MGAT4C: variants seen among roughly 807,000 people sequenced by gnomAD.
MGAT4C encodes MGAT4 family member C.
Under a neutral mutation model 40.1 loss-of-function variants are expected in MGAT4C, and 19 were observed. The observed-to-expected ratio is 0.47, with a 90% CI of 0.33 to 0.70. The LOEUF (loss-of-function observed/expected upper bound fraction) is 0.70. Ranked by LOEUF, MGAT4C falls within the 30% of genes least tolerant of loss-of-function variation. MGAT4C has a pLI of 0.02. For synonymous variants in MGAT4C, 181 were observed against 187.1 expected, an observed-to-expected ratio of 0.97 and a Z score of 0.27; for missense variants, 491 against 563.2, an observed-to-expected ratio of 0.87 and a Z score of 1.30.
intron 1 of MGAT4C, among the ~76,000 whole-genome samples, chr12:86,733,721 A>G (rs1950945727): frequency 6.6e-6 from 1 of 152,076 alleles, no homozygotes; most frequent in Admixed American, 6.6e-5. Flanking sequence ...AAACCAATCC[A>G]AAAAGCAAGG....
At chr12:86,445,322 C>T (rs1373940789) in intron 2 of MGAT4C, among the ~76,000 whole-genome samples, 1 of 151,930 alleles carries the variant, frequency 6.6e-6, no homozygotes, top group Non-Finnish European at 1.5e-5. Context: ...TCCAAATGAC[C>T]AATACCATGT....
intron 4 of MGAT4C, among the ~76,000 whole-genome samples, chr12:86,313,714 C>T (rs1472397125): frequency 6.6e-6 from 1 of 152,040 alleles, no homozygotes; most frequent in East Asian, 1.9e-4. Flanking sequence ...AGCAAAGGAG[C>T]TAATATGATA....
At chr12:86,812,713 G>A (rs539504895) in intron 1 of MGAT4C, among the ~76,000 whole-genome samples, 1 of 152,094 alleles carries the variant, frequency 6.6e-6, no homozygotes, top group East Asian at 1.9e-4. Flanking sequence ...AATGTGAAGT[G>A]TATGTCTTCA....
At chr12:86,482,682 A>G (rs973453228) in intron 2 of MGAT4C, among the ~76,000 whole-genome samples, 2 of 152,228 alleles carry the variant, frequency 1.3e-5, no homozygotes, top group East Asian at 1.9e-4. Context: ...GCTTGTTAGA[A>G]CAAATTTTCT....
intron 2 of MGAT4C, among the ~76,000 whole-genome samples, chr12:86,680,324 G>A (rs377360585): frequency 6.6e-6 from 1 of 151,812 alleles, no homozygotes; most frequent in Admixed American, 6.6e-5. Context: ...TACATTCACA[G>A]GTTATCTCAT....
intron 4 of MGAT4C, among the ~76,000 whole-genome samples, chr12:86,309,067 T>C (rs193119745): frequency 2.0e-5 from 3 of 150,780 alleles, no homozygotes; most frequent in Non-Finnish European, 1.5e-5. Context: ...TCTGATTCTA[T>C]CAAAAAATTC....
In MGAT4C at chr12:85,980,286, G is replaced by A; in HGVS notation, c.440C>T (p.Ser147Phe). The stretch of plus-strand genomic sequence containing the variant: ...ATCCTGGACCATGGCATCACGCCAG[G>A]AAGAATTAAAGTCTGCTAGGTGAAC... ...VVVHLADFNS[S>F]WRDAMVQDIT... Residue 147 changes from serine to phenylalanine, a missense_variant, in exon 5 of 5, where the codon TCC (serine) becomes TTC (phenylalanine). Ser to Phe is a radical substitution (Grantham distance 155). Transcript: ENST00000611864. 6.2e-7 allele frequency: 1 copy of A among 1,613,930 alleles called. No individual in the cohort carries two copies. Among genetic ancestry groups the A allele is most frequent in the South Asian group, 1.1e-5 (1 of 91,076 alleles).
chr12:86,512,262 A>C (rs1006381005), intron 2 of MGAT4C, among the ~76,000 whole-genome samples: 1 of 152,144 alleles, frequency 6.6e-6, no homozygotes, highest in Non-Finnish European at 1.5e-5. Flanking sequence ...TAAATAACAG[A>C]TTTGGGTAAG....
intron 1 of MGAT4C, among the ~76,000 whole-genome samples, chr12:86,099,257 C>T (rs1874500393): frequency 1.3e-5 from 2 of 151,274 alleles, no homozygotes; most frequent in South Asian, 2.1e-4. Flanking sequence ...CAGTGAAGAT[C>T]GACATTTTCT....
intron 4 of MGAT4C, among the ~76,000 whole-genome samples, chr12:86,297,135 G>A (rs1174071137): frequency 6.6e-6 from 1 of 152,136 alleles, no homozygotes; most frequent in Non-Finnish European, 1.5e-5. Flanking sequence ...AAATAGAAAA[G>A]ATAAACATGG....
At chr12:86,494,036 G>T (rs998167940) in intron 2 of MGAT4C, among the ~76,000 whole-genome samples, 1 of 151,632 alleles carries the variant, frequency 6.6e-6, no homozygotes, top group Non-Finnish European at 1.5e-5. Flanking sequence ...GAAACATTTT[G>T]GTAATTTTGT....
At chr12:86,086,811 T>C (rs1357633159) in intron 1 of MGAT4C, among the ~76,000 whole-genome samples, 1 of 152,076 alleles carries the variant, frequency 6.6e-6, no homozygotes, top group African/African-American at 2.4e-5. Context: ...ATACCCTCTT[T>C]ACCCTCCTCT....
chr12:86,162,485 G>A (rs1030971700), intron 1 of MGAT4C, among the ~76,000 whole-genome samples: 2 of 152,032 alleles, frequency 1.3e-5, no homozygotes, highest in Non-Finnish European at 2.9e-5. Flanking sequence ...AGAGAGTAGT[G>A]ACAACTAGAG....
rs1356701052 is a variant in MGAT4C, at chr12:85,976,426, T to C, written c.*2863A>G. On this transcript the variant is annotated 3_prime_UTR_variant, in exon 5 of 5. Coordinates refer to ENST00000611864, the MANE Select transcript of MGAT4C (RefSeq NM_001351288.2). ...TGTGCTTTTACAAGATACTTTTTTC[T>C]TTGATGTCCATAACTGCTGAAAAGG... 6.6e-6 allele frequency: 1 copy of C among 150,866 alleles called. No individual in the cohort carries two copies. The highest frequency in any genetic ancestry group is 2.4e-5 in the African/African-American group (1 of 41,296). The allele number at this position is 150,866 out of a possible 1,614,324, so 9.3% of individuals were successfully genotyped here.
intron 1 of MGAT4C, among the ~76,000 whole-genome samples, chr12:86,219,907 G>A (rs1288386257): frequency 6.6e-6 from 1 of 152,084 alleles, no homozygotes; most frequent in African/African-American, 2.4e-5. Context: ...AATCCAATAT[G>A]CTAATGTATG....
rs182712676 is a variant in MGAT4C, at chr12:86,194,205, G to A, written c.-57+62034C>T. On this transcript the variant is annotated intron_variant, in intron 1 of 4. Transcript: ENST00000611864. Reference sequence around the variant, plus strand: ...ATGCAAGAAGTCTGCTGACAGTATCGTATACCTTGTTGTATACATTAATCA... The same window carrying A: ...ATGCAAGAAGTCTGCTGACAGTATCATATACCTTGTTGTATACATTAATCA... Among the ~76,000 whole-genome samples the A allele has an allele frequency of 2.8e-4, 43 of 151,998 alleles. No individual in the cohort carries two copies. The East Asian group carries it at 5.6e-3, about 20-fold the overall frequency.
At chr12:86,596,532 A>G (rs1216455147) in intron 2 of MGAT4C, among the ~76,000 whole-genome samples, 1 of 152,168 alleles carries the variant, frequency 6.6e-6, no homozygotes, top group Non-Finnish European at 1.5e-5. Context: ...CTTATAGATA[A>G]ATCGGTTTTG....
chr12:86,332,782 C>T (rs1954701630), intron 4 of MGAT4C, among the ~76,000 whole-genome samples: 1 of 151,880 alleles, frequency 6.6e-6, no homozygotes, highest in Non-Finnish European at 1.5e-5. Context: ...AAGAGCTAGG[C>T]CATTAAATTG....
Position 86,689,433 on chromosome 12 carries a change from C to T in MGAT4C, c.-229+37776G>A, listed in dbSNP as rs140850831. On this transcript the variant is annotated intron_variant, in intron 2 of 7. Coordinates refer to the MGAT4C transcript ENST00000548651. The stretch of plus-strand genomic sequence containing the variant: ...GGAGAAGGGGCATTCTTGTTTTTTC[C>T]TCATCTATGTTTATTTATCTACCTT... 5.3e-5 allele frequency among the ~76,000 whole-genome samples: 8 copies of T among 151,858 alleles called. No individual in the cohort carries two copies. In the East Asian group the frequency reaches 9.7e-4, roughly 18 times the overall value.
Sources: gnomAD v4.1 joint callset for allele counts (sites outside exome capture counted in the v4.1 genomes callset) on GRCh38, gnomAD v4.1.1 for gene constraint, MANE v1.5 for transcripts, NCBI Gene and HGNC (gene_info 2026-07-23, HGNC 2026-07-21) for gene names.